RIMS1: variants seen among roughly 807,000 people sequenced by gnomAD.
RIMS1 encodes the protein regulating synaptic membrane exocytosis protein 1.
A neutral mutation model predicts 214.1 loss-of-function variants in RIMS1; 83 were observed. The observed-to-expected ratio is 0.39, with a 90% CI of 0.32 to 0.47. The LOEUF (loss-of-function observed/expected upper bound fraction) is 0.47. Ranked by LOEUF, RIMS1 falls within the 20% of genes least tolerant of loss-of-function variation. The pLI, the probability that RIMS1 is intolerant of heterozygous loss-of-function variation, is 0.99. For synonymous variants in RIMS1, 793 were observed against 786.8 expected (o/e 1.01, Z -0.13); for missense variants, 2,050 against 2,161.8 (o/e 0.95, Z 1.03).
chr6:72,006,176 C>T (rs1442439302), intron 2 of RIMS1, among the ~76,000 whole-genome samples: 2 of 152,172 alleles, frequency 1.3e-5, no homozygotes. Context: ...GCTCTGCCCT[C>T]ATGATCTAAT....
intron 6 of RIMS1, among the ~76,000 whole-genome samples, chr6:72,210,545 A>G (rs924207840): frequency 1.3e-5 from 2 of 152,238 alleles, no homozygotes; most frequent in African/African-American, 4.8e-5. Flanking sequence ...ATCTTAGCCA[A>G]CAGCAAAATG....
At chr6:72,390,503 G>A (rs1294569662) in intron 29 of RIMS1, 95 bp from the exon 30 acceptor site, 19 of 1,292,490 alleles carry the variant, frequency 1.5e-5, no homozygotes, top group Non-Finnish European at 1.9e-5. Flanking sequence ...TTGTAATTAT[G>A]TGTAAAATTA....
chr6:72,274,168 C>T lies in RIMS1; in HGVS notation c.3399-181C>T, dbSNP rs552963817. Among the ~76,000 whole-genome samples, 11 of 152,230 alleles carry T rather than the reference C, an allele frequency of 7.2e-5. No homozygotes were observed. The East Asian group carries it at 2.1e-3, about 29-fold the overall frequency. ...CTTATAAGATTATAGGTTTTATGTT[C>T]TTAAAGTATTGTAACTTATCTTTCC... is the stretch of plus-strand genomic sequence containing the variant. On this transcript the variant is annotated intron_variant, in intron 22 of 33. Transcript: ENST00000521978.
At chr6:72,371,060 A>C (rs969790595) in intron 29 of RIMS1, among the ~76,000 whole-genome samples, 22 of 152,202 alleles carry the variant, frequency 1.4e-4, no homozygotes, top group African/African-American at 5.1e-4. Context: ...TATATTTGTC[A>C]ACTCTGATCA....
chr6:72,361,239 G>A (rs1420902398), intron 29 of RIMS1, among the ~76,000 whole-genome samples: 4 of 150,808 alleles, frequency 2.7e-5, no homozygotes, highest in Admixed American at 1.3e-4. Context: ...CCAAGTAGCT[G>A]GGATTACAGG....
chr6:72,328,675 G>T (rs1373494838), intron 28 of RIMS1, among the ~76,000 whole-genome samples: 1 of 151,564 alleles, frequency 6.6e-6, no homozygotes, highest in African/African-American at 2.4e-5. Context: ...GAACTAGCAG[G>T]TTCAGTGTTA....
intron 24 of RIMS1, among the ~76,000 whole-genome samples, chr6:72,289,418 A>G (rs557609755): frequency 6.6e-6 from 1 of 152,316 alleles, no homozygotes; most frequent in South Asian, 2.1e-4. Flanking sequence ...TAATATATAG[A>G]ACCCTATGAG....
intron 1 of RIMS1, among the ~76,000 whole-genome samples, chr6:71,888,031 G>T (rs117687516): frequency 7.2e-5 from 11 of 152,152 alleles, no homozygotes; most frequent in African/African-American, 2.4e-4. Flanking sequence ...TCTTTAGAGC[G>T]CATCAACCCT....
chr6:72,372,137 C>A (rs1337215695), intron 29 of RIMS1, among the ~76,000 whole-genome samples: 1 of 152,154 alleles, frequency 6.6e-6, no homozygotes, highest in African/African-American at 2.4e-5. Context: ...ATTTCTGGAT[C>A]AGAATCAGAC....
chr6:72,134,268 C>A lies in RIMS1; in HGVS notation c.471+34282C>A, dbSNP rs73549432. On this transcript the variant is annotated intron_variant, in intron 4 of 33. Coordinates refer to ENST00000521978, the MANE Select transcript of RIMS1 (RefSeq NM_014989.7). ...TACCTTCATACAGAAAAAATACATA[C>A]TTTATTATTGTGAATTTTTATTGTG... Among the ~76,000 whole-genome samples the A allele has an allele frequency of 9.9e-3, 1,510 of 151,890 alleles. 22 individuals carry two copies. The highest frequency in any genetic ancestry group is 0.034 in the African/African-American group (1,420 of 41,482).
chr6:72,334,590 G>A (rs1172836426), intron 29 of RIMS1, among the ~76,000 whole-genome samples: 1 of 151,800 alleles, frequency 6.6e-6, no homozygotes, highest in Non-Finnish European at 1.5e-5. Flanking sequence ...TAAAATCAAA[G>A]GTAAGTGAAA....
intron 6 of RIMS1, among the ~76,000 whole-genome samples, chr6:72,193,328 C>T (rs552327260): frequency 9.8e-5 from 15 of 152,292 alleles, no homozygotes; most frequent in East Asian, 1.9e-4. Flanking sequence ...GGATACCAGA[C>T]GCTCATTTAT....
intron 29 of RIMS1, among the ~76,000 whole-genome samples, chr6:72,334,341 T>C (rs1002376849): frequency 1.3e-5 from 2 of 151,978 alleles, no homozygotes; most frequent in Non-Finnish European, 2.9e-5. Context: ...ATTTTTACTT[T>C]AGAAAAATGG....
chr6:72,091,049 G>A (rs1836090286), intron 2 of RIMS1, among the ~76,000 whole-genome samples: 2 of 152,298 alleles, frequency 1.3e-5, no homozygotes, highest in Non-Finnish European at 2.9e-5. Flanking sequence ...AGGCGTCAAG[G>A]GAAACAGAGG....
intron 4 of RIMS1, among the ~76,000 whole-genome samples, chr6:72,103,044 T>C (rs532596259): frequency 2.6e-5 from 4 of 152,218 alleles, no homozygotes; most frequent in African/African-American, 9.6e-5. Context: ...AAAAGTTCTT[T>C]TGAAATTCTT....
chr6:72,106,728 C>T (rs1232759941), intron 4 of RIMS1, among the ~76,000 whole-genome samples: 16 of 152,090 alleles, frequency 1.1e-4, no homozygotes, highest in South Asian at 2.1e-4. Context: ...TGTTAAATTA[C>T]GTGTCAGACT....
intron 2 of RIMS1, among the ~76,000 whole-genome samples, chr6:72,005,665 C>A (rs1807230002): frequency 6.6e-6 from 1 of 152,120 alleles, no homozygotes. Context: ...AATTCAAAGG[C>A]CTGTTGTGCT....
rs1351846384 is a variant in RIMS1, at chr6:72,265,438, C to T, written c.3243C>T (p.Asp1081=). ...HTKTKSVTRQ[D]ISLHHECFNS... is the part of the protein sequence containing the mutation. ...AGACCAAATCAGTGACTAGACAGGA[C>T]ATTTCCCTTCATCATGAATGCTTTA... Residue 1081 remains aspartate (D), a synonymous_variant, in exon 21 of 34, where the codon GAC becomes GAT. Transcript: ENST00000521978. The T allele has an allele frequency of 3.1e-6, 5 of 1,610,234 alleles. No homozygotes were observed. The highest frequency in any genetic ancestry group is 4.2e-6 in the Non-Finnish European group (5 of 1,177,334).
chr6:72,182,016 CA>C (rs1452395556), intron 5 of RIMS1, among the ~76,000 whole-genome samples: 1 of 152,176 alleles, frequency 6.6e-6, no homozygotes, highest in Admixed American at 6.5e-5. Context: ...AAACTTCTAA[CA>C]AGAGCAACTA....
Sources: gnomAD v4.1 joint callset for allele counts (sites outside exome capture counted in the v4.1 genomes callset) on GRCh38, gnomAD v4.1.1 for gene constraint, MANE v1.5 for transcripts, NCBI Gene and HGNC (gene_info 2026-07-23, HGNC 2026-07-21) for gene names.